The following WDTC1 variants were observed in gnomAD, a reference collection of about 807,000 sequenced individuals.
WDTC1 encodes WD and tetratricopeptide repeats protein 1.
WDTC1 carries 12 observed loss-of-function variants against 76.0 expected under a neutral mutation model. The observed-to-expected ratio is 0.16, with a 90% CI of 0.10 to 0.26. WDTC1 has a LOEUF of 0.26. Among genes scored for constraint, WDTC1 ranks in the 10% least tolerant of loss-of-function variants. The pLI is 1.00. For synonymous variants in WDTC1, 326 were observed against 350.8 expected (o/e 0.93, Z 0.79); for missense variants, 511 against 908.8 (o/e 0.56, Z 5.63).
rs927007188 is a variant in WDTC1, at chr1:27,238,330, A to G, written c.-100+3379A>G. Among the ~76,000 whole-genome samples the G allele has an allele frequency of 5.9e-5, 9 of 152,336 alleles. 1 individual carries two copies. Among genetic ancestry groups the G allele is most frequent in the African/African-American group, 2.2e-4 (9 of 41,578 alleles). Reference sequence around the variant, plus strand: ...GAAACTGGATGTTCTCTGTGATTCTAGAAGGCATCTCAGGATTAAATGACA... The same window carrying G: ...GAAACTGGATGTTCTCTGTGATTCTGGAAGGCATCTCAGGATTAAATGACA... On this transcript the variant is annotated intron_variant, in intron 1 of 15. Transcript: ENST00000319394.
Position 27,294,004 on chromosome 1 carries a change from G to A in WDTC1, c.663-18G>A. ...GCAGTGCTGTAACTTTAACCTATATGATTTTCCTTCCCACCAGAAAGAGCA... is the reference window on the plus strand; with the variant it reads ...GCAGTGCTGTAACTTTAACCTATATAATTTTCCTTCCCACCAGAAAGAGCA... On this transcript the variant is annotated intron_variant, in intron 7 of 15. Transcript: ENST00000319394. The A allele has an allele frequency of 6.2e-7, 1 of 1,613,184 alleles. No homozygotes were observed. The highest frequency in any genetic ancestry group is 8.5e-7 in the Non-Finnish European group (1 of 1,179,396).
chr1:27,241,486 A>C (rs2011629385), intron 1 of WDTC1, among the ~76,000 whole-genome samples: 1 of 152,156 alleles, frequency 6.6e-6, no homozygotes, highest in Non-Finnish European at 1.5e-5. Context: ...CTGATGGCCT[A>C]CCTGGTTCCC....
chr1:27,243,809 G>C (rs1367089426), intron 1 of WDTC1, among the ~76,000 whole-genome samples: 1 of 152,042 alleles, frequency 6.6e-6, no homozygotes, highest in East Asian at 1.9e-4. Flanking sequence ...GGTATTATCA[G>C]ATTAGGAAAC....
intron 1 of WDTC1, among the ~76,000 whole-genome samples, chr1:27,242,077 A>G (rs963083760): frequency 1.3e-5 from 2 of 151,882 alleles, no homozygotes; most frequent in Non-Finnish European, 1.5e-5. Context: ...TTTTTAGTAG[A>G]GACGGGGTTT....
chr1:27,306,617 C>G lies in WDTC1; in HGVS notation c.*234C>G. 5.1e-6 allele frequency: 3 copies of G among 584,212 alleles called. No individual in the cohort carries two copies. Among genetic ancestry groups the G allele is most frequent in the Middle Eastern group, 4.7e-4 (1 of 2,134 alleles). The allele number at this position is 584,212 out of a possible 1,614,324, so 36.2% of individuals were successfully genotyped here. A position where few individuals can be genotyped will look rare whatever the true frequency, so the allele number is the denominator to read the frequency against. ...CCCTGAAAAAAAGAGCAGGAGGGGA[C>G]ACCCCTCCATATGCCCCCCCCCATC... On this transcript the variant is annotated 3_prime_UTR_variant, in exon 16 of 16. Coordinates refer to ENST00000319394, the MANE Select transcript of WDTC1 (RefSeq NM_001276252.2). This position sits in a 1 kb window ranked among gnomAD's most constrained non-coding sequence, Gnocchi z 5.0.
intron 6 of WDTC1, among the ~76,000 whole-genome samples, chr1:27,290,615 C>T (rs1303809193): frequency 6.6e-6 from 1 of 152,178 alleles, no homozygotes; most frequent in Non-Finnish European, 1.5e-5. Flanking sequence ...GGACTGTCCC[C>T]TTTTCCAGTG....
chr1:27,243,916 A>G (rs1255070066), intron 1 of WDTC1, among the ~76,000 whole-genome samples: 1 of 149,890 alleles, frequency 6.7e-6, no homozygotes, highest in Non-Finnish European at 1.5e-5. Flanking sequence ...GCTTGAGCCC[A>G]GGAGTTCGAG....
At chr1:27,256,547 G>A (rs1002858023) in intron 1 of WDTC1, among the ~76,000 whole-genome samples, 6 of 152,316 alleles carry the variant, frequency 3.9e-5, no homozygotes, top group Non-Finnish European at 8.8e-5. Flanking sequence ...CAGTTTCTTT[G>A]ACCTGAAGTC....
chr1:27,266,738 G>C (rs1452434358), intron 3 of WDTC1, among the ~76,000 whole-genome samples: 1 of 152,148 alleles, frequency 6.6e-6, no homozygotes, highest in African/African-American at 2.4e-5. Flanking sequence ...GTCAATAATA[G>C]TTTATCTTTG....
chr1:27,278,628 C>A (rs1448816406), intron 3 of WDTC1, among the ~76,000 whole-genome samples: 2 of 152,232 alleles, frequency 1.3e-5, no homozygotes, highest in Admixed American at 1.3e-4. Flanking sequence ...TCACAATGCT[C>A]TAACCACATT....
chr1:27,291,565 C>T (rs972969228), intron 6 of WDTC1, among the ~76,000 whole-genome samples: 9 of 152,148 alleles, frequency 5.9e-5, no homozygotes, highest in African/African-American at 1.9e-4. Flanking sequence ...AAAGTTTCCC[C>T]GTCTGGAGCG....
intron 3 of WDTC1, among the ~76,000 whole-genome samples, chr1:27,272,795 G>C (rs2012908082): frequency 6.6e-6 from 1 of 152,098 alleles, no homozygotes; most frequent in South Asian, 2.1e-4. Flanking sequence ...TGTACTTCTA[G>C]GTACTCAGGA....
chr1:27,293,881 C>T (rs2013609607), intron 7 of WDTC1, 141 bp from the exon 8 acceptor site: 2 of 679,178 alleles, frequency 2.9e-6, no homozygotes, highest in South Asian at 1.8e-5. Context: ...GTTGGTGGGC[C>T]TTTGGGGTTG....
chr1:27,281,728 T>G (rs541297602), intron 3 of WDTC1, among the ~76,000 whole-genome samples: 2 of 152,176 alleles, frequency 1.3e-5, no homozygotes, highest in Admixed American at 1.3e-4. Flanking sequence ...TAGCTTGGAC[T>G]ACAGGCACAT....
At chr1:27,297,903 T>G (rs1557507974) in intron 11 of WDTC1, 35 bp from the exon 12 acceptor site, 1 of 1,573,934 alleles carries the variant, frequency 6.4e-7, no homozygotes, top group Non-Finnish European at 8.7e-7. Flanking sequence ...CTGACCTTCT[T>G]TGACTGTTCT....
rs1387914201 is a variant in WDTC1, at chr1:27,274,637, T to C, written c.133-7602T>C. Among the ~76,000 whole-genome samples, 1 of 152,232 alleles carries C rather than the reference T, an allele frequency of 6.6e-6. No homozygotes were observed. The highest frequency in any genetic ancestry group is 1.5e-5 in the Non-Finnish European group (1 of 68,036). ...TTCCACTTTCCTTGGACATTTTTGCTGAGCATTCCACATCCCTCTTTAGTT... is the reference window on the plus strand; with the variant it reads ...TTCCACTTTCCTTGGACATTTTTGCCGAGCATTCCACATCCCTCTTTAGTT... On this transcript the variant is annotated intron_variant, in intron 3 of 15. Coordinates refer to ENST00000319394, the MANE Select transcript of WDTC1 (RefSeq NM_001276252.2). This position sits in a 1 kb window ranked among gnomAD's most constrained non-coding sequence, Gnocchi z 4.2.
rs2148000132 is a variant in WDTC1 at position 27,306,658 on chromosome 1, C to T, written c.*275C>T. ...CCCCCCCATCTCCTGCTTTCATGTC[C>T]CTGGAGGGCTCTGGCCTGCCTCAAA... On this transcript the variant is annotated 3_prime_UTR_variant, in exon 16 of 16. Transcript: ENST00000319394. This position sits in a 1 kb window ranked among gnomAD's most constrained non-coding sequence, Gnocchi z 5.0. 7.8e-6 allele frequency: 4 copies of T among 511,628 alleles called. No individual in the cohort carries two copies. Among genetic ancestry groups the T allele is most frequent in the East Asian group, 7.0e-5 (2 of 28,578 alleles). 31.7% of individuals were successfully genotyped at this position (511,628 alleles called of 1,614,324 possible).
chr1:27,265,583 T>A lies in WDTC1; in HGVS notation c.132+2348T>A, dbSNP rs997354131. On this transcript the variant is annotated intron_variant, in intron 3 of 15. Transcript: ENST00000319394. ...GGAGAATCACTTGGGCCCAGGAGGTTAAGCCTGCAGTGAGCTGTGATTGTG... is the reference window on the plus strand; with the variant it reads ...GGAGAATCACTTGGGCCCAGGAGGTAAAGCCTGCAGTGAGCTGTGATTGTG... Among the ~76,000 whole-genome samples the A allele has an allele frequency of 7.9e-5, 12 of 151,910 alleles. 1 individual carries two copies. Among genetic ancestry groups the A allele is most frequent in the Admixed American group, 7.2e-4 (11 of 15,216 alleles).
intron 10 of WDTC1, 58 bp downstream of exon 10, chr1:27,296,459 C>T (rs2013688004): frequency 2.5e-6 from 4 of 1,569,496 alleles, no homozygotes; most frequent in Non-Finnish European, 3.5e-6. Flanking sequence ...TAAGTGCATG[C>T]TACACCTGCT....
Sources: allele counts gnomAD v4.1 joint callset (sites outside exome capture counted in the v4.1 genomes callset), GRCh38; gene constraint gnomAD v4.1.1; non-coding constraint Gnocchi (gnomAD v3.1); transcripts MANE v1.5; gene names NCBI Gene and HGNC (gene_info 2026-07-23, HGNC 2026-07-21).